Variants in MAST2 observed in about 807,000 individuals in gnomAD.
The protein encoded by MAST2 is microtubule-associated serine/threonine-protein kinase 2.
Under a neutral mutation model 147.4 loss-of-function variants are expected in MAST2, and 70 were observed. That is an observed-to-expected ratio of 0.47 (90% CI 0.39 to 0.58). The LOEUF is 0.58. Ranked by LOEUF, MAST2 falls within the 20% of genes least tolerant of loss-of-function variation. MAST2 has a pLI of 0.00. For synonymous variants in MAST2, 869 were observed against 896.8 expected (o/e 0.97, Z 0.55); for missense variants, 2,080 against 2,302.3 (o/e 0.90, Z 1.98).
At chr1:45,829,783 C>G (rs1396832839) in intron 3 of MAST2, among the ~76,000 whole-genome samples, 1 of 151,936 alleles carries the variant, frequency 6.6e-6, no homozygotes, top group African/African-American at 2.4e-5. Flanking sequence ...AACTCCTTGG[C>G]TGTAGTATTC....
intron 4 of MAST2, among the ~76,000 whole-genome samples, chr1:45,958,848 A>G (rs958129126): frequency 2.6e-5 from 4 of 152,196 alleles, no homozygotes; most frequent in African/African-American, 9.6e-5. Flanking sequence ...CAGAAGAAAA[A>G]GCTTCAGACA....
intron 5 of MAST2, among the ~76,000 whole-genome samples, chr1:45,971,951 T>A (rs898662048): frequency 6.6e-6 from 1 of 152,188 alleles, no homozygotes; most frequent in Non-Finnish European, 1.5e-5. Flanking sequence ...TATCATCTAA[T>A]TGATTTTACA....
At chr1:45,838,484 A>G (rs1031352184) in intron 3 of MAST2, among the ~76,000 whole-genome samples, 4 of 151,978 alleles carry the variant, frequency 2.6e-5, no homozygotes, top group African/African-American at 9.7e-5. Flanking sequence ...AGGCTTTCCA[A>G]AGTGCTGGGA....
intron 4 of MAST2, among the ~76,000 whole-genome samples, chr1:45,916,718 A>G (rs1028727157): frequency 1.4e-4 from 21 of 152,184 alleles, no homozygotes; most frequent in Non-Finnish European, 8.8e-5. Flanking sequence ...TGAATATTAA[A>G]TATTAACTGT....
intron 6 of MAST2, among the ~76,000 whole-genome samples, chr1:45,999,327 C>T (rs1385738776): frequency 6.6e-6 from 1 of 152,164 alleles, no homozygotes; most frequent in Non-Finnish European, 1.5e-5. Context: ...AGATCACTTA[C>T]AGTATAAGAA....
Position 45,907,965 on chromosome 1 carries a change from T to C in MAST2, c.500+25570T>C, listed in dbSNP as rs75503128. Among the ~76,000 whole-genome samples, 9 of 152,320 alleles carry C rather than the reference T, an allele frequency of 5.9e-5. No homozygotes were observed. The East Asian group carries it at 1.5e-3, about 26-fold the overall frequency. ...ATAAATTGTTCCTGCTATTCTCTTA[T>C]TATTCTTTTGCTGTCTTTAGATTTG... is the stretch of plus-strand genomic sequence containing the variant. On this transcript the variant is annotated intron_variant, in intron 4 of 28. Transcript: ENST00000361297.
chr1:46,028,433 G>A (rs1034586873), intron 17 of MAST2, among the ~76,000 whole-genome samples: 1 of 152,124 alleles, frequency 6.6e-6, no homozygotes, highest in African/African-American at 2.4e-5. Context: ...ACTGTTCACC[G>A]GTCCCTGTAG....
chr1:45,915,215 G>A (rs1284255018), intron 4 of MAST2, among the ~76,000 whole-genome samples: 1 of 152,054 alleles, frequency 6.6e-6, no homozygotes, highest in Non-Finnish European at 1.5e-5. Context: ...TACCATACCT[G>A]GCAAATCATG....
At position 45,829,396 on chromosome 1, in the gene MAST2, A is replaced by C. The variant is rs779496248; in HGVS notation, c.326-43A>C. On this transcript the variant is annotated intron_variant, in intron 2 of 28. Transcript: ENST00000361297. ...ATTTGTATTTTTTCATTTGTTTATC[A>C]ATAAATAATTACATGTATATTTTCC... 3.9e-6 allele frequency: 6 copies of C among 1,553,162 alleles called. No homozygotes were observed. In the African/African-American group the frequency reaches 4.1e-5, roughly 11 times the overall value.
chr1:45,898,278 T>C (rs1420531630), intron 4 of MAST2, among the ~76,000 whole-genome samples: 1 of 152,210 alleles, frequency 6.6e-6, no homozygotes, highest in African/African-American at 2.4e-5. Flanking sequence ...ACGTTAAGTA[T>C]GAGCACATAC....
rs1476933356 is a variant in MAST2 at position 46,023,237 on chromosome 1, A to T, written c.1490A>T (p.His497Leu). The T allele has an allele frequency of 6.2e-7, 1 of 1,614,068 alleles. No homozygotes were observed. The highest frequency in any genetic ancestry group is 1.1e-5 in the South Asian group (1 of 91,084). ...TPETDDSIEG[H>L]GASLPSKKTP... ...GCCTTTTCCCTTGTCTTCCAGGGCC[A>T]TGGGGCATCTCTGCCATCTAAAAAG... Residue 497 changes from histidine (H) to leucine (L), a missense_variant, in exon 14 of 29, where the codon CAT becomes CTT. This residue lies in a region of MAST2 where 569 missense variants were observed against 642.5 expected (regional missense o/e 0.89). Coordinates refer to ENST00000361297, the MANE Select transcript of MAST2 (RefSeq NM_015112.3). This position sits in a 1 kb window ranked among gnomAD's most constrained non-coding sequence, Gnocchi z 4.9.
In MAST2 at chr1:45,884,795, C is replaced by T. The variant is rs145271840; in HGVS notation, c.500+2400C>T. The stretch of plus-strand genomic sequence containing the variant: ...AACATGGGTACTAATATAGGCTTTG[C>T]CACTAACAAATTATGTGTGGCTTTA... On this transcript the variant is annotated intron_variant, in intron 4 of 28. Coordinates refer to ENST00000361297, the MANE Select transcript of MAST2 (RefSeq NM_015112.3). Among the ~76,000 whole-genome samples, 142 of 152,262 alleles carry T rather than the reference C, an allele frequency of 9.3e-4. No individual in the cohort carries two copies. In the East Asian group the frequency reaches 0.021, roughly 22 times the overall value.
At chr1:46,011,338 C>T (rs1645707882) in intron 10 of MAST2, among the ~76,000 whole-genome samples, 1 of 152,140 alleles carries the variant, frequency 6.6e-6, no homozygotes, top group South Asian at 2.1e-4. Flanking sequence ...TTATCCTCAG[C>T]CAAGGGAAAA....
chr1:45,859,009 G>A (rs1645889675), intron 3 of MAST2, among the ~76,000 whole-genome samples: 1 of 152,154 alleles, frequency 6.6e-6, no homozygotes, highest in African/African-American at 2.4e-5. Context: ...TTTGGTTACT[G>A]TAGCCTTGTA....
intron 4 of MAST2, chr1:45,917,536 A>G (rs1342851235): frequency 7.3e-7 from 1 of 1,366,366 alleles, no homozygotes; most frequent in Non-Finnish European, 9.8e-7. Flanking sequence ...CCGTGGAGGT[A>G]AGGAAACTTG....
At chr1:45,883,912 G>GCCTCCCCCCCCCCCCCCCC in intron 4 of MAST2, among the ~76,000 whole-genome samples, 44 of 2,506 alleles carry the variant, frequency 0.018, 17 homozygotes, top group South Asian at 0.067. Flanking sequence ...TACTATTTCT[G>GCCTCCCCCCCCCCCCCCCC]CCCCCCCCGC....
intron 3 of MAST2, among the ~76,000 whole-genome samples, chr1:45,868,676 C>A (rs1646260353): frequency 6.6e-6 from 1 of 151,988 alleles, no homozygotes; most frequent in Admixed American, 6.6e-5. Flanking sequence ...AGCCTTGGGA[C>A]TTTTTTTATT....
chr1:46,003,807 A>G (rs978768290), intron 7 of MAST2, among the ~76,000 whole-genome samples: 2 of 152,134 alleles, frequency 1.3e-5, no homozygotes, highest in East Asian at 1.9e-4. Context: ...AGGTTGGCCA[A>G]CTTTTTCTGT....
rs1646273087 is a variant in MAST2, at chr1:46,023,462, G to C, written c.1571+144G>C. ...CTCCCAGAAGCCTCCTGGGTGGGCA[G>C]GAGTTCAGATTCCTCTGACATCCGA... On this transcript the variant is annotated intron_variant, in intron 14 of 28. Coordinates refer to ENST00000361297, the MANE Select transcript of MAST2 (RefSeq NM_015112.3). The surrounding 1 kb of genome is among the most constrained non-coding windows in gnomAD (Gnocchi z 4.9). 2 of 735,306 alleles carry C rather than the reference G, an allele frequency of 2.7e-6. No individual in the cohort carries two copies. Among genetic ancestry groups the C allele is most frequent in the Admixed American group, 5.1e-5 (2 of 39,232 alleles). 45.5% of individuals were successfully genotyped at this position (735,306 alleles called of 1,614,324 possible).
Sources: gnomAD v4.1 joint callset for allele counts (sites outside exome capture counted in the v4.1 genomes callset) on GRCh38, gnomAD v4.1.1 for gene constraint, gnomAD v4.1.1 regional missense constraint, Gnocchi (gnomAD v3.1) non-coding constraint, MANE v1.5 for transcripts, NCBI Gene and HGNC (gene_info 2026-07-23, HGNC 2026-07-21) for gene names.